TMEFF1: variants seen among roughly 807,000 people sequenced by gnomAD.
TMEFF1 encodes tomoregulin-1.
Under a neutral mutation model 47.5 loss-of-function variants are expected in TMEFF1, and 20 were observed. The observed-to-expected ratio is 0.42, with a 90% CI of 0.30 to 0.61. The LOEUF is 0.61. TMEFF1 is among the 20% of genes least tolerant of loss of function. The probability of loss-of-function intolerance (pLI) is 0.19; values close to 1 mark genes in which losing one functional copy is unlikely to be tolerated. For synonymous variants in TMEFF1, 162 were observed against 166.3 expected (o/e 0.97, Z 0.20); for missense variants, 411 against 471.1 (o/e 0.87, Z 1.18).
rs573915149 is a variant in TMEFF1, at chr9:100,527,508, C to T, written c.560+10737C>T. Among the ~76,000 whole-genome samples, 46 of 152,336 alleles carry T rather than the reference C, an allele frequency of 3.0e-4. No homozygotes were observed. The East Asian group carries it at 7.7e-3, about 26-fold the overall frequency. ...GGCACCTGGAAAATCGGGTCACTCC[C>T]ACCCGAATACTGCGCTTTTCCGACG... is the stretch of plus-strand genomic sequence containing the variant. On this transcript the variant is annotated intron_variant, in intron 5 of 9. Coordinates refer to ENST00000374879, the MANE Select transcript of TMEFF1 (RefSeq NM_003692.5).
chr9:100,476,567 A>G (rs1172731021), intron 1 of TMEFF1, among the ~76,000 whole-genome samples: 1 of 146,718 alleles, frequency 6.8e-6, no homozygotes, highest in Non-Finnish European at 1.5e-5. Context: ...GCTAATTTGT[A>G]TTTTTAGTAG....
chr9:100,529,950 C>G (rs1030591148), intron 5 of TMEFF1, among the ~76,000 whole-genome samples: 1 of 151,986 alleles, frequency 6.6e-6, no homozygotes, highest in Non-Finnish European at 1.5e-5. Context: ...CACTCAAAAC[C>G]GATCAACTAC....
chr9:100,558,344 C>T (rs960127436), intron 7 of TMEFF1, among the ~76,000 whole-genome samples: 16 of 152,022 alleles, frequency 1.1e-4, no homozygotes, highest in Admixed American at 9.8e-4. Context: ...TTGTTATACC[C>T]TTTCATGACC....
chr9:100,572,745 GAGGCCACC>G, intron 9 of TMEFF1, 69 bp downstream of exon 9: 1 of 1,495,166 alleles, frequency 6.7e-7, no homozygotes, highest in African/African-American at 1.4e-5. Context: ...TAGATGCTTT[GAGGCCACC>G]AGTCTATTAG....
At chr9:100,543,121 T>C (rs1203128282) in intron 5 of TMEFF1, among the ~76,000 whole-genome samples, 3 of 152,082 alleles carry the variant, frequency 2.0e-5, no homozygotes, top group Non-Finnish European at 4.4e-5. Flanking sequence ...AGAGACAGGG[T>C]GTCTCCATGT....
chr9:100,476,260 T>G (rs1427994722), intron 1 of TMEFF1, among the ~76,000 whole-genome samples: 1 of 152,180 alleles, frequency 6.6e-6, no homozygotes, highest in African/African-American at 2.4e-5. Context: ...AAAAAAAATT[T>G]TTTTAGTTGG....
In TMEFF1 at chr9:100,576,796, A is replaced by G; in HGVS notation, c.*196A>G. On this transcript the variant is annotated 3_prime_UTR_variant, in exon 10 of 10. Transcript: ENST00000374879. ...TTTGTTTTATGTTTTTAAATACAGA[A>G]ATTGCTTTCACAAATTTGTACCACA... 1 of 530,478 alleles carries G rather than the reference A, an allele frequency of 1.9e-6. No individual in the cohort carries two copies. Among genetic ancestry groups the G allele is most frequent in the Non-Finnish European group, 3.0e-6 (1 of 331,060 alleles). 32.9% of individuals were successfully genotyped at this position (530,478 alleles called of 1,614,324 possible). A position where few individuals can be genotyped will look rare whatever the true frequency, so the allele number is the denominator to read the frequency against.
intron 8 of TMEFF1, among the ~76,000 whole-genome samples, chr9:100,572,178 G>GA (rs1839252756): frequency 6.6e-6 from 1 of 151,564 alleles, no homozygotes; most frequent in Non-Finnish European, 1.5e-5. Context: ...TTTAAAAAGT[G>GA]AAAAAAAGGA....
intron 1 of TMEFF1, among the ~76,000 whole-genome samples, chr9:100,495,929 C>T (rs1255635774): frequency 1.3e-5 from 2 of 152,200 alleles, no homozygotes; most frequent in East Asian, 1.9e-4. Flanking sequence ...GTTGGTACCT[C>T]CTGTCAGATA....
intron 7 of TMEFF1, among the ~76,000 whole-genome samples, chr9:100,557,246 A>G (rs12235981): frequency 0.27 from 41,072 of 151,378 alleles, 6,826 homozygotes; most frequent in African/African-American, 0.46. Flanking sequence ...AACATTTTCT[A>G]CACCCCTAAA....
At chr9:100,534,614 A>G (rs1280163393) in intron 5 of TMEFF1, among the ~76,000 whole-genome samples, 1 of 152,094 alleles carries the variant, frequency 6.6e-6, no homozygotes, top group African/African-American at 2.4e-5. Flanking sequence ...ACTGAGCTGG[A>G]CTTTACTTGA....
At chr9:100,492,900 A>G (rs2096330132) in intron 1 of TMEFF1, among the ~76,000 whole-genome samples, 1 of 152,174 alleles carries the variant, frequency 6.6e-6, no homozygotes, top group Non-Finnish European at 1.5e-5. Flanking sequence ...CTTGGAATCA[A>G]TATATTTAGG....
Sources: allele counts gnomAD v4.1 joint callset (sites outside exome capture counted in the v4.1 genomes callset), GRCh38; gene constraint gnomAD v4.1.1; transcripts MANE v1.5; gene names NCBI Gene and HGNC (gene_info 2026-07-23, HGNC 2026-07-21).